The following CSF1 variants were observed in gnomAD, a reference collection of about 807,000 sequenced individuals.
The protein encoded by CSF1 is macrophage colony-stimulating factor 1.
In CSF1, 9 loss-of-function variants were observed where a neutral mutation model predicts 48.9. The ratio of observed to expected loss-of-function variants is 0.18; its 90% CI spans 0.11 to 0.32. The LOEUF (loss-of-function observed/expected upper bound fraction) is 0.32, where lower values mean the gene tolerates loss of function less well. CSF1 is among the 10% of genes least tolerant of loss of function. The probability of loss-of-function intolerance (pLI) is 1.00; values close to 1 mark genes in which losing one functional copy is unlikely to be tolerated. For missense variants in CSF1, 672 were observed against 697.9 expected (o/e 0.96, Z 0.42); for synonymous variants, 305 against 284.1 (o/e 1.07, Z -0.74).
At chr1:109,924,892 T>G (rs1021235280) in intron 7 of CSF1, 64 bp downstream of exon 7, 2 of 1,492,996 alleles carry the variant, frequency 1.3e-6, no homozygotes, top group African/African-American at 1.4e-5. Context: ...GTTTCCCCTC[T>G]TCGTGGTGGT....
chr1:109,915,738 T>G, intron 3 of CSF1, 42 bp downstream of exon 3: 1 of 1,512,384 alleles, frequency 6.6e-7, no homozygotes, highest in African/African-American at 1.4e-5. Flanking sequence ...CCAGCCTGCA[T>G]GCAACTCCCA....
Position 109,924,053 on chromosome 1 carries a change from G to A in CSF1, c.1432G>A (p.Asp478Asn), listed in dbSNP as rs1417850114. ...CCGTTTTAACTCCGTTCCTTTGACT[G>A]ACACAGGCCATGAGAGGCAGTCCGA... ...LPRFNSVPLT[D>N]TGHERQSEGS... The change falls in exon 6 of 9, where the codon GAC becomes AAC. Residue 478 changes from aspartate to asparagine, a missense_variant. Physicochemically the swap from Asp to Asn is conservative, Grantham distance 23 (BLOSUM62 1). Around this residue, in one of 3 missense-constraint regions of CSF1, gnomAD observed 591 missense variants for 593.6 expected, o/e 1.00. Coordinates refer to ENST00000329608, the MANE Select transcript of CSF1 (RefSeq NM_000757.6). 1 of 1,614,234 alleles carries A rather than the reference G, an allele frequency of 6.2e-7. No homozygotes were observed. The highest frequency in any genetic ancestry group is 2.2e-5 in the East Asian group (1 of 44,878).
chr1:109,911,696 C>A (rs982989227), intron 1 of CSF1, among the ~76,000 whole-genome samples: 11 of 152,320 alleles, frequency 7.2e-5, no homozygotes, highest in South Asian at 6.2e-4. Flanking sequence ...CCCGGGGCTG[C>A]TTGGGGCTAG....
At chr1:109,911,128 G>T in intron 1 of CSF1, 66 bp downstream of exon 1, 3 of 959,898 alleles carry the variant, frequency 3.1e-6, no homozygotes, top group South Asian at 4.7e-5. Flanking sequence ...CCAGGCGGCC[G>T]GGAGCGGCCC....
chr1:109,915,799 A>G, intron 3 of CSF1, 103 bp downstream of exon 3: 1 of 1,001,116 alleles, frequency 1.0e-6, no homozygotes, highest in Non-Finnish European at 1.6e-6. Context: ...TACTGCTGGA[A>G]AGGGTGAGAG....
chr1:109,920,301 A>C (rs1647470983), intron 4 of CSF1, among the ~76,000 whole-genome samples: 2 of 151,536 alleles, frequency 1.3e-5, no homozygotes, highest in Non-Finnish European at 2.9e-5. Context: ...CCGGAGTCTC[A>C]CTCTCTCCCA....
intron 6 of CSF1, 108 bp downstream of exon 6, chr1:109,924,298 C>A: frequency 1.1e-6 from 1 of 935,662 alleles, no homozygotes; most frequent in Non-Finnish European, 1.6e-6. Context: ...GTTCTTCAGA[C>A]ACAGAGAGAT....
Position 109,917,481 on chromosome 1 carries a change from C to A in CSF1, c.396+18C>A. ...ATGACAAGGTAGGAAGCCCTGAGGC[C>A]TGGAGCACTGAGTGAGGGCAGAGGG... On this transcript the variant is annotated intron_variant, in intron 4 of 8. Transcript: ENST00000329608. 1.2e-6 allele frequency: 2 copies of A among 1,612,616 alleles called. No homozygotes were observed. Among genetic ancestry groups the A allele is most frequent in the Non-Finnish European group, 1.7e-6 (2 of 1,179,350 alleles).
chr1:109,916,206 C>G (rs1488016729), intron 3 of CSF1, among the ~76,000 whole-genome samples: 2 of 152,192 alleles, frequency 1.3e-5, no homozygotes, highest in East Asian at 3.9e-4. Context: ...GGTTCTGCCT[C>G]TCAGCATCTC....
intron 7 of CSF1, 64 bp downstream of exon 7, chr1:109,924,892 T>A (rs1021235280): frequency 6.7e-7 from 1 of 1,492,996 alleles, no homozygotes; most frequent in South Asian, 1.2e-5. Context: ...GTTTCCCCTC[T>A]TCGTGGTGGT....
intron 3 of CSF1, among the ~76,000 whole-genome samples, chr1:109,916,537 C>G (rs1647223867): frequency 6.6e-6 from 1 of 152,222 alleles, no homozygotes; most frequent in South Asian, 2.1e-4. Flanking sequence ...TTTCCAATGA[C>G]TGTCATGCCT....
intron 8 of CSF1, among the ~76,000 whole-genome samples, chr1:109,925,444 T>C (rs1028481780): frequency 6.6e-6 from 1 of 152,096 alleles, no homozygotes; most frequent in Non-Finnish European, 1.5e-5. Flanking sequence ...TACCTCTGCA[T>C]TGGGCTTCTA....
rs778618530 is a variant in CSF1 at position 109,924,076 on chromosome 1, C to G, written c.1455C>G (p.Ser485=). 30 of 1,614,072 alleles carry G rather than the reference C, an allele frequency of 1.9e-5. No homozygotes were observed. The Admixed American group carries it at 4.2e-4, about 22-fold the overall frequency. Residue 485 remains serine (S), a synonymous_variant, in exon 6 of 9, where the codon TCC becomes TCG. Coordinates refer to ENST00000329608, the MANE Select transcript of CSF1 (RefSeq NM_000757.6). ...PLTDTGHERQ[S]EGSFSPQLQE... Reference sequence around the variant, plus strand: ...CTGACACAGGCCATGAGAGGCAGTCCGAGGGATCCTTCAGCCCGCAGCTCC... The same window carrying G: ...CTGACACAGGCCATGAGAGGCAGTCGGAGGGATCCTTCAGCCCGCAGCTCC...
intron 1 of CSF1, among the ~76,000 whole-genome samples, chr1:109,912,479 C>T (rs543022605): frequency 9.9e-5 from 15 of 152,128 alleles, no homozygotes; most frequent in Admixed American, 3.3e-4. Context: ...TGTTAACCCC[C>T]CACTGTCTGT....
Position 109,921,869 on chromosome 1 carries a change from A to G in CSF1, c.419A>G (p.Glu140Gly). ...CAGGCCTGCGTCCGAACTTTCTATGAGACACCTCTCCAGTTGCTGGAGAAG... is the reference window on the plus strand; with the variant it reads ...CAGGCCTGCGTCCGAACTTTCTATGGGACACCTCTCCAGTTGCTGGAGAAG... Reference protein sequence around the residue: ...HDKACVRTFYETPLQLLEKVK... With the variant: ...HDKACVRTFYGTPLQLLEKVK... Residue 140 changes from glutamate to glycine, a missense_variant, in exon 5 of 9, where the codon GAG becomes GGG. Physicochemically the swap from Glu to Gly is moderately conservative, Grantham distance 98. Transcript: ENST00000329608. 1.9e-6 allele frequency: 3 copies of G among 1,602,182 alleles called. No homozygotes were observed. The highest frequency in any genetic ancestry group is 2.6e-6 in the Non-Finnish European group (3 of 1,172,032).
rs771970619 is a variant in CSF1, at chr1:109,924,077, G to A, written c.1456G>A (p.Glu486Lys). Residue 486 changes from glutamate to lysine, a missense_variant, in exon 6 of 9, where the codon GAG becomes AAG. Around this residue, in one of 3 missense-constraint regions of CSF1, gnomAD observed 591 missense variants for 593.6 expected, o/e 1.00. Transcript: ENST00000329608. ...LTDTGHERQS[E>K]GSFSPQLQES... is the part of the protein sequence containing the mutation. ...TGACACAGGCCATGAGAGGCAGTCC[G>A]AGGGATCCTTCAGCCCGCAGCTCCA... is the stretch of plus-strand genomic sequence containing the variant. The A allele has an allele frequency of 1.2e-5, 20 of 1,614,194 alleles. No homozygotes were observed. The highest frequency in any genetic ancestry group is 8.3e-5 in the Admixed American group (5 of 60,034).
intron 7 of CSF1, 65 bp downstream of exon 7, chr1:109,924,893 T>C: frequency 6.0e-6 from 9 of 1,493,816 alleles, no homozygotes; most frequent in Non-Finnish European, 8.3e-6. Flanking sequence ...TTTCCCCTCT[T>C]CGTGGTGGTG....
chr1:109,922,851 C>A (rs994521392), intron 5 of CSF1, among the ~76,000 whole-genome samples: 1 of 152,204 alleles, frequency 6.6e-6, no homozygotes, highest in African/African-American at 2.4e-5. Context: ...CTGCTGCTCA[C>A]CCCTAGCTTG....
chr1:109,921,838 T>C lies in CSF1; in HGVS notation c.397-9T>C. The stretch of plus-strand genomic sequence containing the variant: ...ATGCTCACAAAAGGGGGCCCTGATC[T>C]CCTTCCAGGCCTGCGTCCGAACTTT... On this transcript the variant is annotated splice_polypyrimidine_tract_variant and intron_variant, in intron 4 of 8. Transcript: ENST00000329608. 1 of 1,552,170 alleles carries C rather than the reference T, an allele frequency of 6.4e-7. No homozygotes were observed.
Sources: allele counts gnomAD v4.1 joint callset (sites outside exome capture counted in the v4.1 genomes callset), GRCh38; gene constraint gnomAD v4.1.1; regional missense constraint gnomAD v4.1.1; transcripts MANE v1.5; gene names NCBI Gene and HGNC (gene_info 2026-07-23, HGNC 2026-07-21).